Variants in CORO7 observed in about 807,000 individuals in gnomAD.
CORO7 encodes coronin-7.
In CORO7, 107 loss-of-function variants were observed where a neutral mutation model predicts 126.6. That is an observed-to-expected ratio of 0.85 (90% confidence interval 0.72 to 0.99). CORO7 has a LOEUF of 0.99. Among genes scored for constraint, CORO7 ranks in the 50% least tolerant of loss-of-function variants. CORO7 has a pLI of 0.00. For missense variants in CORO7, 1,314 were observed against 1,255.8 expected (o/e 1.05, Z -0.70); for synonymous variants, 603 against 536.8 (o/e 1.12, Z -1.70).
chr16:4,390,028 A>T (rs1032971709), intron 7 of CORO7, among the ~76,000 whole-genome samples: 1 of 152,196 alleles, frequency 6.6e-6, no homozygotes, highest in Non-Finnish European at 1.5e-5. Flanking sequence ...TGAGCCACAC[A>T]CTATTCGAGA....
intron 7 of CORO7, among the ~76,000 whole-genome samples, chr16:4,390,186 C>A (rs1378363433): frequency 6.6e-6 from 1 of 152,192 alleles, no homozygotes; most frequent in Admixed American, 6.5e-5. Context: ...GGAGGAAGCT[C>A]TGGAGGTGGA....
intron 1 of CORO7, among the ~76,000 whole-genome samples, chr16:4,415,109 T>C (rs779585657): frequency 1.5e-4 from 23 of 152,068 alleles, no homozygotes; most frequent in Non-Finnish European, 2.9e-4. Context: ...CTCAAAGCAG[T>C]CCACCCAAAG....
intron 9 of CORO7, among the ~76,000 whole-genome samples, chr16:4,375,129 C>T (rs560553565): frequency 2.6e-4 from 40 of 152,032 alleles, no homozygotes; most frequent in Admixed American, 1.4e-3. Context: ...CACGTCCCAC[C>T]GCCCCAGGGG....
chr16:4,396,111 G>C (rs1220947117), intron 6 of CORO7, among the ~76,000 whole-genome samples: 1 of 151,522 alleles, frequency 6.6e-6, no homozygotes, highest in Non-Finnish European at 1.5e-5. Flanking sequence ...ACAGAGTTTT[G>C]CTCTGTCACC....
Position 4,407,701 on chromosome 16 carries a change from G to C in CORO7, c.304-17C>G, listed in dbSNP as rs1439517904. On this transcript the variant is annotated splice_polypyrimidine_tract_variant and intron_variant, in intron 4 of 27. Transcript: ENST00000251166. ...GAGTTTTACCTGCAAGAAAGACCAA[G>C]TCCGTGAGCACAGGGCTGAGGGCCT... 1.9e-6 allele frequency: 3 copies of C among 1,567,288 alleles called. No individual in the cohort carries two copies. The African/African-American group carries it at 4.1e-5, about 21-fold the overall frequency.
intron 6 of CORO7, among the ~76,000 whole-genome samples, chr16:4,398,206 C>T (rs930124088): frequency 4.6e-5 from 7 of 152,172 alleles, no homozygotes; most frequent in Non-Finnish European, 8.8e-5. Flanking sequence ...AGGTGTGAGC[C>T]ACCAGGCCTG....
At chr16:4,361,595 AC>A in intron 16 of CORO7, 126 bp from the exon 17 acceptor site, 1 of 1,162,866 alleles carries the variant, frequency 8.6e-7, no homozygotes, top group Non-Finnish European at 1.2e-6. Context: ...CCGCTGGGTG[AC>A]CCAAGCTCTC....
In CORO7 at chr16:4,358,011, C is replaced by G. The variant is rs149619313; in HGVS notation, c.2550G>C (p.Gly850=). The G allele has an allele frequency of 6.2e-7, 1 of 1,612,216 alleles. No individual in the cohort carries two copies. Among genetic ancestry groups the G allele is most frequent in the Non-Finnish European group, 8.5e-7 (1 of 1,178,744 alleles). The change falls in exon 25 of 28, where the codon GGG becomes GGC. Residue 850 remains glycine, a synonymous_variant. Transcript: ENST00000251166. ...SAEAWLQGAN[G]QPWLLSLQPP... ...GCTGCAGGCTGAGAAGCCAGGGCTG[C>G]CCATTAGCGCCTTGCAGCCAGGCCT...
Position 4,382,572 on chromosome 16 carries a change from A to G in CORO7, c.785+5414T>C. 5 of 1,593,754 alleles carry G rather than the reference A, an allele frequency of 3.1e-6. No individual in the cohort carries two copies. In the South Asian group the frequency reaches 4.5e-5, roughly 14 times the overall value. ...CAGCCGTCCACTCCAACCACGCCCC[A>G]GTCACCCAGGCCCGCGAGGGCAACC... On this transcript the variant is annotated intron_variant, in intron 9 of 27. Coordinates refer to ENST00000251166, the MANE Select transcript of CORO7 (RefSeq NM_024535.5).
At chr16:4,385,674 C>T (rs1378563629) in intron 9 of CORO7, among the ~76,000 whole-genome samples, 1 of 152,116 alleles carries the variant, frequency 6.6e-6, no homozygotes, top group African/African-American at 2.4e-5. Context: ...CCTTGGTGTT[C>T]GAGGCTGGCC....
intron 6 of CORO7, among the ~76,000 whole-genome samples, chr16:4,403,411 C>T (rs1022290519): frequency 3.3e-5 from 5 of 152,154 alleles, no homozygotes; most frequent in African/African-American, 9.7e-5. Flanking sequence ...CTGACAGGTG[C>T]GGCTTGGAGG....
At chr16:4,373,422 T>C (rs560521060) in intron 9 of CORO7, among the ~76,000 whole-genome samples, 16 of 151,912 alleles carry the variant, frequency 1.1e-4, no homozygotes, top group Admixed American at 8.5e-4. Flanking sequence ...GAGGGTCAGA[T>C]GGGGATGGGG....
intron 9 of CORO7, among the ~76,000 whole-genome samples, chr16:4,375,953 G>A (rs142939299): frequency 5.1e-4 from 77 of 152,348 alleles, no homozygotes; most frequent in African/African-American, 1.5e-3. Flanking sequence ...GTCACAAAGC[G>A]TGTGAGTGCC....
chr16:4,405,415 GA>G, intron 6 of CORO7, 75 bp downstream of exon 6: 1 of 1,504,124 alleles, frequency 6.6e-7, no homozygotes, highest in South Asian at 1.3e-5. Context: ...AACAAGCCTG[GA>G]AGGCCCAGCC....
intron 9 of CORO7, among the ~76,000 whole-genome samples, chr16:4,384,839 G>A (rs1425604770): frequency 6.6e-6 from 1 of 152,198 alleles, no homozygotes; most frequent in Non-Finnish European, 1.5e-5. Flanking sequence ...GGCCAGGCCT[G>A]CCTCCCCCGG....
chr16:4,359,328 A>T lies in CORO7; in HGVS notation c.2308T>A (p.Cys770Ser), dbSNP rs750909584. 2.5e-6 allele frequency: 4 copies of T among 1,612,014 alleles called. No homozygotes were observed. Among genetic ancestry groups the T allele is most frequent in the East Asian group, 2.2e-5 (1 of 44,870 alleles). ...LLPESPFFLE[C>S]NSFTSPDPHK... ...GGGTCAGGCGACGTGAAGCTGTTGC[A>T]CTCCAGGAAGAAAGGGGACTCGGGG... Residue 770 changes from cysteine (C) to serine (S), a missense_variant, in exon 23 of 28, where the codon TGC becomes AGC. By Grantham distance (112) the Cys-to-Ser change is moderately radical. Coordinates refer to ENST00000251166, the MANE Select transcript of CORO7 (RefSeq NM_024535.5).
intron 9 of CORO7, among the ~76,000 whole-genome samples, chr16:4,375,960 T>TAGG (rs1490479334): frequency 6.6e-6 from 1 of 152,042 alleles, no homozygotes; most frequent in Non-Finnish European, 1.5e-5. Context: ...AGCGTGTGAG[T>TAGG]GCCTGACTGA....
intron 6 of CORO7, among the ~76,000 whole-genome samples, chr16:4,399,985 T>C (rs953867940): frequency 2.0e-5 from 3 of 152,332 alleles, no homozygotes; most frequent in Admixed American, 1.3e-4. Flanking sequence ...ATTCCAACTA[T>C]ATGACATTCT....
chr16:4,365,634 C>G, intron 9 of CORO7, 89 bp from the exon 10 acceptor site: 4 of 1,510,338 alleles, frequency 2.6e-6, no homozygotes, highest in South Asian at 2.4e-5. Context: ...ACAGGCACCA[C>G]AGTGACTGGG....
Sources: gnomAD v4.1 joint callset for allele counts (sites outside exome capture counted in the v4.1 genomes callset) on GRCh38, gnomAD v4.1.1 for gene constraint, MANE v1.5 for transcripts, NCBI Gene and HGNC (gene_info 2026-07-23, HGNC 2026-07-21) for gene names.